RFX1: variants seen among roughly 807,000 people sequenced by gnomAD.
RFX1 encodes MHC class II regulatory factor RFX1.
Under a neutral mutation model 119.6 loss-of-function variants are expected in RFX1, and 42 were observed. The ratio of observed to expected loss-of-function variants is 0.35; its 90% CI spans 0.27 to 0.45. The LOEUF is 0.45. Among genes scored for constraint, RFX1 ranks in the 20% least tolerant of loss-of-function variants. The pLI, the probability that RFX1 is intolerant of heterozygous loss-of-function variation, is 1.00. For missense variants in RFX1, 1,118 were observed against 1,368.1 expected (o/e 0.82, Z 2.88); for synonymous variants, 628 against 618.5 (o/e 1.02, Z -0.23).
At chr19:13,988,192 A>G (rs11671794) in intron 2 of RFX1, among the ~76,000 whole-genome samples, 17,985 of 151,814 alleles carry the variant, frequency 0.12, 1,244 homozygotes, top group Middle Eastern at 0.16. Context: ...ACGCCGGGCT[A>G]ATTTTTGTAT....
rs1274947452 is a variant in RFX1 at position 13,990,644 on chromosome 19, C to A, written c.319+2881G>T. On this transcript the variant is annotated intron_variant, in intron 2 of 20. Coordinates refer to ENST00000254325, the MANE Select transcript of RFX1 (RefSeq NM_002918.5). This position sits in a 1 kb window ranked among gnomAD's most constrained non-coding sequence, Gnocchi z 4.1. ...CATCCTGGCTAACACAGTGAAACCC[C>A]GTCTCTACTAAAAATACAAAAAATT... 1.3e-5 allele frequency among the ~76,000 whole-genome samples: 2 copies of A among 152,070 alleles called. No individual in the cohort carries two copies. The highest frequency in any genetic ancestry group is 6.6e-5 in the Admixed American group (1 of 15,252).
At chr19:13,970,373 C>G (rs1293289353) in intron 9 of RFX1, among the ~76,000 whole-genome samples, 198 bp from the exon 10 acceptor site, 1 of 151,900 alleles carries the variant, frequency 6.6e-6, no homozygotes, top group Non-Finnish European at 1.5e-5. Context: ...ATACAGTTGC[C>G]ATGTATAGCT....
At chr19:13,972,232 T>C (rs1230770633) in intron 9 of RFX1, among the ~76,000 whole-genome samples, 1 of 150,434 alleles carries the variant, frequency 6.6e-6, no homozygotes, top group Admixed American at 6.6e-5. Context: ...AATCTTGCTG[T>C]GTCTCCCAGG....
Position 13,969,722 on chromosome 19 carries a change from T to G in RFX1, c.1496+272A>C. On this transcript the variant is annotated intron_variant, in intron 10 of 20. Transcript: ENST00000254325. The surrounding 1 kb of genome is among the most constrained non-coding windows in gnomAD (Gnocchi z 4.5). ...GCTAAAGAGAAAAATAAAGCAGGGT[T>G]GGGGGGTGTCGGGCAGGGGAGAGGG... is the stretch of plus-strand genomic sequence containing the variant. The G allele has an allele frequency of 1.0e-5, 4 of 393,718 alleles. No individual in the cohort carries two copies. Among genetic ancestry groups the G allele is most frequent in the African/African-American group, 2.1e-5 (1 of 47,888 alleles). The allele number at this position is 393,718 out of a possible 1,614,324, so 24.4% of individuals were successfully genotyped here. A position where few individuals can be genotyped will look rare whatever the true frequency, so the allele number is the denominator to read the frequency against.
At chr19:14,003,760 A>G (rs560091974) in intron 1 of RFX1, among the ~76,000 whole-genome samples, 62 of 152,350 alleles carry the variant, frequency 4.1e-4, no homozygotes, top group African/African-American at 1.5e-3. Context: ...GCACACAGCT[A>G]GAAAAGCTGA....
chr19:13,992,718 A>C (rs1411447784), intron 2 of RFX1, among the ~76,000 whole-genome samples: 2 of 152,230 alleles, frequency 1.3e-5, no homozygotes, highest in East Asian at 3.8e-4. Flanking sequence ...CAGAGCAGGG[A>C]GGCCAAAAGA....
At chr19:13,983,804 C>A (rs1287799971) in intron 2 of RFX1, among the ~76,000 whole-genome samples, 2 of 152,214 alleles carry the variant, frequency 1.3e-5, no homozygotes, top group Non-Finnish European at 2.9e-5. Flanking sequence ...GACCCAGGAT[C>A]CTTAATACCT....
chr19:14,005,980 A>G (rs933920447), intron 1 of RFX1, 123 bp downstream of exon 1: 3 of 144,804 alleles, frequency 2.1e-5, no homozygotes, highest in Non-Finnish European at 4.6e-5. Flanking sequence ...CGGTCCAGAC[A>G]GTCGCCGCCG....
Position 13,968,239 on chromosome 19 carries a change from G to A in RFX1, c.1732+326C>T, listed in dbSNP as rs1278674124. On this transcript the variant is annotated intron_variant, in intron 12 of 20. Coordinates refer to ENST00000254325, the MANE Select transcript of RFX1 (RefSeq NM_002918.5). This position sits in a 1 kb window ranked among gnomAD's most constrained non-coding sequence, Gnocchi z 5.5. ...ACTGCACTCCAGCCTGGACGACAGA[G>A]AATCTATCTCAAAAAAATAAACAAA... Among the ~76,000 whole-genome samples, 1 of 152,060 alleles carries A rather than the reference G, an allele frequency of 6.6e-6. No individual in the cohort carries two copies. Among genetic ancestry groups the A allele is most frequent in the African/African-American group, 2.4e-5 (1 of 41,412 alleles).
chr19:13,974,413 C>T (rs1974189800), intron 8 of RFX1, among the ~76,000 whole-genome samples: 1 of 152,038 alleles, frequency 6.6e-6, no homozygotes. Context: ...CACAAGTATA[C>T]AAGTATAAAA....
At chr19:13,971,981 G>A (rs1023979200) in intron 9 of RFX1, among the ~76,000 whole-genome samples, 1 of 152,058 alleles carries the variant, frequency 6.6e-6, no homozygotes, top group African/African-American at 2.4e-5. Context: ...ACTTCAGCCT[G>A]GCGACAGAGC....
intron 1 of RFX1, among the ~76,000 whole-genome samples, chr19:14,003,019 G>A (rs1975265518): frequency 6.6e-6 from 1 of 152,220 alleles, no homozygotes; most frequent in South Asian, 2.1e-4. Flanking sequence ...GTCTTGCTCT[G>A]TCACCCAGGC....
chr19:13,964,229 G>A (rs569522557), intron 16 of RFX1, among the ~76,000 whole-genome samples: 21 of 152,232 alleles, frequency 1.4e-4, no homozygotes, highest in African/African-American at 5.1e-4. Context: ...TCTGACCAGG[G>A]CACAATATTC....
chr19:13,977,878 C>T, intron 8 of RFX1, 114 bp downstream of exon 8: 1 of 772,470 alleles, frequency 1.3e-6, no homozygotes, highest in South Asian at 1.7e-5. Flanking sequence ...TCACCTGAGG[C>T]CTTGAAGGCC....
At chr19:13,973,738 C>T (rs1415353918) in intron 8 of RFX1, among the ~76,000 whole-genome samples, 3 of 152,168 alleles carry the variant, frequency 2.0e-5, no homozygotes, top group Non-Finnish European at 4.4e-5. Context: ...TCAAGCTATC[C>T]TCCTGCCTCA....
Position 13,969,916 on chromosome 19 carries a change from G to T in RFX1, c.1496+78C>A. ...GACTGGGCTGGACTGGACTGCCTGA[G>T]ATGACTCGGAGTGGGGGTGGGCCTT... On this transcript the variant is annotated intron_variant, in intron 10 of 20. Coordinates refer to ENST00000254325, the MANE Select transcript of RFX1 (RefSeq NM_002918.5). The surrounding 1 kb of genome is among the most constrained non-coding windows in gnomAD (Gnocchi z 4.5). 4 of 1,443,226 alleles carry T rather than the reference G, an allele frequency of 2.8e-6. No homozygotes were observed. The highest frequency in any genetic ancestry group is 3.7e-6 in the Non-Finnish European group (4 of 1,067,740). The allele number at this position is 1,443,226 out of a possible 1,614,324, so 89.4% of individuals were successfully genotyped here.
At chr19:13,995,178 G>A (rs575228395) in intron 1 of RFX1, among the ~76,000 whole-genome samples, 14 of 151,822 alleles carry the variant, frequency 9.2e-5, no homozygotes, top group African/African-American at 2.4e-4. Context: ...GCCACACAGC[G>A]GGGAAGTGGT....
rs1027231870 is a variant in RFX1 at position 13,966,886 on chromosome 19, C to G, written c.1733-135G>C. ...GAGACAACGCTAGGTGGGGTGAGCG[C>G]CTGGCCCGGGCCCAGGACGGGCCCA... is the stretch of plus-strand genomic sequence containing the variant. On this transcript the variant is annotated intron_variant, in intron 12 of 20. Coordinates refer to ENST00000254325, the MANE Select transcript of RFX1 (RefSeq NM_002918.5). The surrounding 1 kb of genome is among the most constrained non-coding windows in gnomAD (Gnocchi z 6.3). 1 of 600,254 alleles carries G rather than the reference C, an allele frequency of 1.7e-6. No individual in the cohort carries two copies. The highest frequency in any genetic ancestry group is 3.1e-5 in the Admixed American group (1 of 32,172). The allele number at this position is 600,254 out of a possible 1,614,324, so 37.2% of individuals were successfully genotyped here.
chr19:13,984,014 C>T (rs1401310830), intron 2 of RFX1, among the ~76,000 whole-genome samples: 1 of 151,978 alleles, frequency 6.6e-6, no homozygotes, highest in Non-Finnish European at 1.5e-5. Flanking sequence ...TCTGGGGTGA[C>T]CCTGGCTTCC....
Sources: gnomAD v4.1 joint callset for allele counts (sites outside exome capture counted in the v4.1 genomes callset) on GRCh38, gnomAD v4.1.1 for gene constraint, Gnocchi (gnomAD v3.1) non-coding constraint, MANE v1.5 for transcripts, NCBI Gene and HGNC (gene_info 2026-07-23, HGNC 2026-07-21) for gene names.